Variants in STT3A observed in about 807,000 individuals in gnomAD.
STT3A encodes the protein STT3 oligosaccharyltransferase complex catalytic subunit A, also known as dolichyl-diphosphooligosaccharide--protein glycosyltransferase subunit STT3A.
A neutral mutation model predicts 89.2 loss-of-function variants in STT3A; 34 were observed. That is an observed-to-expected ratio of 0.38 (90% confidence interval 0.29 to 0.51). The LOEUF is 0.51. Among genes scored for constraint, STT3A ranks in the 20% least tolerant of loss-of-function variants. The probability of loss-of-function intolerance (pLI) is 0.89; values close to 1 mark genes in which losing one functional copy is unlikely to be tolerated. For missense variants in STT3A, 555 were observed against 889.5 expected (o/e 0.62, Z 4.78); for synonymous variants, 282 against 310.3 (o/e 0.91, Z 0.96).
At chr11:125,592,267 A>G (rs573173), upstream of STT3A, 378,128 of 382,246 alleles carry the variant, frequency 0.99, 187,043 homozygotes, top group East Asian at 1. Flanking sequence ...GCAGTTACCA[A>G]GGCACAGTAA....
At chr11:125,618,887 C>A (rs1057496031) in intron 16 of STT3A, among the ~76,000 whole-genome samples, 2 of 151,788 alleles carry the variant, frequency 1.3e-5, no homozygotes, top group African/African-American at 4.8e-5. Flanking sequence ...GTGCACACCA[C>A]AATGCCTGGC....
chr11:125,605,720 T>G lies in STT3A; in HGVS notation c.600T>G (p.Leu200=). Residue 200 remains leucine, a synonymous_variant, in exon 7 of 18, where the codon CTT becomes CTG. Coordinates refer to ENST00000392708, the MANE Select transcript of STT3A (RefSeq NM_152713.5). ...TCTGTTGGGCAGCTAAGTGTGCCCT[T>G]GCTTATTTCTACATGGTAACTTTTT... ...GSICWAAKCA[L]AYFYMVSSWG... 1 of 1,613,562 alleles carries G rather than the reference T, an allele frequency of 6.2e-7. No homozygotes were observed. Among genetic ancestry groups the G allele is most frequent in the Non-Finnish European group, 8.5e-7 (1 of 1,179,636 alleles).
At chr11:125,594,686 T>C (rs556889437) in intron 1 of STT3A, among the ~76,000 whole-genome samples, 1 of 152,208 alleles carries the variant, frequency 6.6e-6, no homozygotes, top group South Asian at 2.1e-4. Context: ...ATATCTGTCA[T>C]GTGATTTCCA....
At chr11:125,611,340 A>G in intron 10 of STT3A, 88 bp from the exon 11 acceptor site, 1 of 971,774 alleles carries the variant, frequency 1.0e-6, no homozygotes, top group South Asian at 1.5e-5. Context: ...AATGTGTGGA[A>G]TCATCCAGTC....
chr11:125,620,016 C>G lies in STT3A; in HGVS notation c.1969C>G (p.Pro657Ala), dbSNP rs755908798. ...TCTTTTTCATCCCTCTCTAGAGCGT[C>G]CTCCAGGCTTTGACCGTGTCCGAAA... ...FGQVYTEAKRPPGFDRVRNAE... is the reference protein window; with the variant it reads ...FGQVYTEAKRAPGFDRVRNAE... The change falls in exon 17 of 18, where the codon CCT becomes GCT. Residue 657 changes from proline (P) to alanine (A), a missense_variant. Pro to Ala is a conservative substitution (Grantham distance 27, BLOSUM62 -1). Transcript: ENST00000392708. 8 of 1,613,836 alleles carry G rather than the reference C, an allele frequency of 5.0e-6. No homozygotes were observed. In the East Asian group the frequency reaches 1.6e-4, roughly 31 times the overall value.
chr11:125,598,496 G>T (rs562551503), intron 3 of STT3A, among the ~76,000 whole-genome samples: 16 of 152,272 alleles, frequency 1.1e-4, no homozygotes, highest in African/African-American at 3.8e-4. Context: ...TTATAATTTT[G>T]TTTTGTGTAG....
chr11:125,616,214 A>G (rs768690940), intron 15 of STT3A, among the ~76,000 whole-genome samples: 27 of 152,112 alleles, frequency 1.8e-4, no homozygotes, highest in Non-Finnish European at 3.8e-4. Context: ...GAATTTGTGG[A>G]TGCTCAGGTC....
In STT3A at chr11:125,594,582, CA is replaced by C. The variant is rs34558992; in HGVS notation, c.-35-1279del. On this transcript the variant is annotated intron_variant, in intron 1 of 17. Transcript: ENST00000392708. Reference sequence around the variant, plus strand: ...CTGGCGACAGAGCAAGACTCCGTCTCAAAAAAAAAAAAAAAAAAAAGATAGT... The same window carrying C: ...CTGGCGACAGAGCAAGACTCCGTCTCAAAAAAAAAAAAAAAAAAAGATAGT... Among the ~76,000 whole-genome samples the C allele has an allele frequency of 6.6e-3, 613 of 92,316 alleles. 4 individuals are homozygous for C. Among genetic ancestry groups the C allele is most frequent in the African/African-American group, 0.024 (502 of 21,156 alleles). The allele number at this position is 92,316 out of a possible 152,430, so 60.6% of individuals were successfully genotyped here. A position where few individuals can be genotyped will look rare whatever the true frequency, so the allele number is the denominator to read the frequency against.
At chr11:125,612,805 G>A (rs1940066566) in intron 12 of STT3A, 58 bp downstream of exon 12, 2 of 1,589,610 alleles carry the variant, frequency 1.3e-6, no homozygotes, top group Admixed American at 1.7e-5. Context: ...GTGTATGTGT[G>A]TATGTGGGCA....
intron 3 of STT3A, 68 bp downstream of exon 3, chr11:125,597,187 C>T: frequency 2.0e-6 from 3 of 1,520,914 alleles, no homozygotes; most frequent in Non-Finnish European, 1.8e-6. Flanking sequence ...GTTTCAGATT[C>T]AAATTTCAGT....
At chr11:125,620,733 T>G in intron 17 of STT3A, 39 bp from the exon 18 acceptor site, 1 of 1,604,788 alleles carries the variant, frequency 6.2e-7, no homozygotes, top group Non-Finnish European at 8.5e-7. Context: ...CCAAAGTTGA[T>G]CTGATTGTAA....
intron 7 of STT3A, among the ~76,000 whole-genome samples, 197 bp downstream of exon 7, chr11:125,605,932 T>C (rs886137421): frequency 1.3e-5 from 2 of 152,176 alleles, no homozygotes; most frequent in Non-Finnish European, 2.9e-5. Context: ...TATCCCTAAA[T>C]CCTCTGTGTG....
At chr11:125,611,803 T>C (rs1940025527) in intron 11 of STT3A, among the ~76,000 whole-genome samples, 1 of 151,866 alleles carries the variant, frequency 6.6e-6, no homozygotes, top group Non-Finnish European at 1.5e-5. Context: ...GGAGATGATA[T>C]TTTTTTCTTG....
chr11:125,619,495 A>G (rs759927955), intron 16 of STT3A, among the ~76,000 whole-genome samples: 1 of 152,150 alleles, frequency 6.6e-6, no homozygotes, highest in Non-Finnish European at 1.5e-5. Flanking sequence ...GTTACTTTTT[A>G]TTGTCCTTAA....
At chr11:125,611,632 C>A in intron 11 of STT3A, 113 bp downstream of exon 11, 1 of 934,760 alleles carries the variant, frequency 1.1e-6, no homozygotes, top group Non-Finnish European at 1.6e-6. Flanking sequence ...TCCCTCTGAG[C>A]ATTTGAGGGA....
rs752141748 is a variant in STT3A, at chr11:125,609,471, G to C, written c.999G>C (p.Leu333=). ...CCTGGACGGGGCGTTTCTACTCGCTGCTGGATCCCTCTTATGCTAAGAACA... is the reference window on the plus strand; with the variant it reads ...CCTGGACGGGGCGTTTCTACTCGCTCCTGGATCCCTCTTATGCTAAGAACA... ...ISPWTGRFYS[L]LDPSYAKNNI... The change falls in exon 10 of 18, where the codon CTG becomes CTC. Residue 333 remains leucine, a synonymous_variant. Transcript: ENST00000392708. 1.4e-5 allele frequency: 23 copies of C among 1,613,744 alleles called. No homozygotes were observed. The East Asian group carries it at 2.0e-4, about 14-fold the overall frequency.
chr11:125,614,923 T>A lies in STT3A; in HGVS notation c.1774+497T>A, dbSNP rs1940133090. Reference sequence around the variant, plus strand: ...GGCACAAAGATTTTTAGAAGAAACATCCAAATATAGTTATCTGCCTTAAAA... The same window carrying A: ...GGCACAAAGATTTTTAGAAGAAACAACCAAATATAGTTATCTGCCTTAAAA... On this transcript the variant is annotated intron_variant, in intron 15 of 17. Transcript: ENST00000392708. The surrounding 1 kb of genome is among the most constrained non-coding windows in gnomAD (Gnocchi z 4.9). Among the ~76,000 whole-genome samples, 1 of 152,052 alleles carries A rather than the reference T, an allele frequency of 6.6e-6. No homozygotes were observed. Among genetic ancestry groups the A allele is most frequent in the Non-Finnish European group, 1.5e-5 (1 of 68,008 alleles).
chr11:125,606,009 A>G (rs987469279), intron 7 of STT3A, among the ~76,000 whole-genome samples: 1 of 152,198 alleles, frequency 6.6e-6, no homozygotes, highest in African/African-American at 2.4e-5. Flanking sequence ...TGATCATGAC[A>G]TCAGCAACCA....
At chr11:125,603,264 A>T (rs560587518) in intron 5 of STT3A, 1 of 218,986 alleles carries the variant, frequency 4.6e-6, no homozygotes, top group African/African-American at 2.3e-5. Flanking sequence ...GAGGAAAAAA[A>T]AACTACATGA....
Sources: allele counts gnomAD v4.1 joint callset (sites outside exome capture counted in the v4.1 genomes callset), GRCh38; gene constraint gnomAD v4.1.1; non-coding constraint Gnocchi (gnomAD v3.1); transcripts MANE v1.5; gene names NCBI Gene and HGNC (gene_info 2026-07-23, HGNC 2026-07-21).